Variants in AK9 observed in about 807,000 individuals in gnomAD.
The protein encoded by AK9 is adenylate kinase domain containing 1.
AK9 carries 191 observed loss-of-function variants against 239.6 expected under a neutral mutation model. The ratio of observed to expected loss-of-function variants is 0.80; its 90% confidence interval spans 0.71 to 0.90. AK9 has a LOEUF of 0.90. Among genes scored for constraint, AK9 ranks in the 40% least tolerant of loss-of-function variants. AK9 has a pLI of 0.00. For missense variants in AK9, 1,995 were observed against 2,214.7 expected, an observed-to-expected ratio of 0.90 and a Z score of 1.99; for synonymous variants, 689 against 721.0, an observed-to-expected ratio of 0.96 and a Z score of 0.71.
chr6:109,622,945 A>G (rs1399111518), intron 12 of AK9, among the ~76,000 whole-genome samples: 2 of 152,120 alleles, frequency 1.3e-5, no homozygotes, highest in Non-Finnish European at 2.9e-5. Context: ...TACTTCTCCC[A>G]TCCTAGGTAC....
At chr6:109,569,334 C>G (rs913690003) in intron 21 of AK9, among the ~76,000 whole-genome samples, 4 of 151,912 alleles carry the variant, frequency 2.6e-5, no homozygotes, top group Admixed American at 6.6e-5. Flanking sequence ...ACCCTAGAAA[C>G]AAACCTAGGC....
intron 21 of AK9, among the ~76,000 whole-genome samples, chr6:109,567,978 A>G (rs1452417182): frequency 6.6e-6 from 1 of 152,152 alleles, no homozygotes; most frequent in Non-Finnish European, 1.5e-5. Flanking sequence ...ACAACAAAAA[A>G]AGAGAATTTT....
intron 35 of AK9, among the ~76,000 whole-genome samples, chr6:109,504,336 C>T (rs1423790660): frequency 6.6e-6 from 1 of 151,918 alleles, no homozygotes. Context: ...TGCACCCCAG[C>T]CCGGGAAACA....
At chr6:109,641,700 G>GCATGGCACTGCCAAC in intron 9 of AK9, 84 bp from the exon 10 acceptor site, 2 of 1,219,254 alleles carry the variant, frequency 1.6e-6, no homozygotes, top group Non-Finnish European at 2.3e-6. Flanking sequence ...TATGAGCCAA[G>GCATGGCACTGCCAAC]ACCATGCTCC....
chr6:109,513,010 T>C (rs982264593), intron 32 of AK9, among the ~76,000 whole-genome samples: 1 of 152,094 alleles, frequency 6.6e-6, no homozygotes, highest in Non-Finnish European at 1.5e-5. Context: ...ACTACAGGCA[T>C]GTGCCACCAT....
chr6:109,640,779 G>A (rs9487180), intron 10 of AK9, among the ~76,000 whole-genome samples: 89,715 of 151,786 alleles, frequency 0.59, 27,968 homozygotes, highest in South Asian at 0.84. Context: ...AAATTCTCCA[G>A]TTAAAACTCC....
At chr6:109,640,915 C>G (rs1488660211) in intron 10 of AK9, among the ~76,000 whole-genome samples, 1 of 151,986 alleles carries the variant, frequency 6.6e-6, no homozygotes, top group Non-Finnish European at 1.5e-5. Context: ...GAGTTAAGAA[C>G]TTTTAGGTCT....
intron 17 of AK9, among the ~76,000 whole-genome samples, chr6:109,601,408 G>A (rs183516113): frequency 6.6e-6 from 1 of 152,290 alleles, no homozygotes; most frequent in Admixed American, 6.5e-5. Context: ...TCTTAGTCCT[G>A]AGTTCTAGTT....
intron 21 of AK9, among the ~76,000 whole-genome samples, chr6:109,566,790 C>A (rs1195202777): frequency 6.6e-6 from 1 of 152,118 alleles, no homozygotes; most frequent in Admixed American, 6.6e-5. Flanking sequence ...CAAAACCACT[C>A]AACTACATGG....
intron 17 of AK9, among the ~76,000 whole-genome samples, chr6:109,598,250 T>A (rs1458486199): frequency 3.8e-5 from 5 of 133,146 alleles, no homozygotes; most frequent in Non-Finnish European, 3.1e-5. Context: ...CAGTCCCCGG[T>A]GTGTGATGTT....
intron 17 of AK9, among the ~76,000 whole-genome samples, chr6:109,605,158 G>C (rs1186858542): frequency 6.6e-6 from 1 of 152,146 alleles, no homozygotes; most frequent in African/African-American, 2.4e-5. Flanking sequence ...GGGTGTGACA[G>C]CAGTTGGGCA....
intron 29 of AK9, among the ~76,000 whole-genome samples, chr6:109,525,409 T>C (rs1489818286): frequency 6.6e-6 from 1 of 152,114 alleles, no homozygotes; most frequent in Non-Finnish European, 1.5e-5. Flanking sequence ...TTGCAAACTA[T>C]GCGTACAACA....
chr6:109,502,506 C>A (rs975082013), intron 35 of AK9, among the ~76,000 whole-genome samples: 2 of 152,212 alleles, frequency 1.3e-5, no homozygotes, highest in Admixed American at 6.5e-5. Context: ...TCCCCTAGAA[C>A]CTTCAGGCAG....
At chr6:109,569,980 C>T (rs998293549) in intron 21 of AK9, among the ~76,000 whole-genome samples, 7 of 152,172 alleles carry the variant, frequency 4.6e-5, no homozygotes, top group African/African-American at 1.7e-4. Flanking sequence ...CACATGCACA[C>T]GTATGTTTAT....
At position 109,614,416 on chromosome 6, in the gene AK9, C is replaced by T. The variant is rs1257677925; in HGVS notation, c.1464G>A (p.Met488Ile). 1 of 1,551,128 alleles carries T rather than the reference C, an allele frequency of 6.4e-7. No individual in the cohort carries two copies. Among genetic ancestry groups the T allele is most frequent in the East Asian group, 2.4e-5 (1 of 40,910 alleles). Reference protein sequence around the residue: ...YEKMEFGVFPMEATHSSIDEE... With the variant: ...YEKMEFGVFPIEATHSSIDEE... ...CATCAATTGATGAGTGTGTTGCCTC[C>T]ATTGGGAATACTCCAAACTCCATTT... Residue 488 changes from methionine (M) to isoleucine (I), a missense_variant, in exon 14 of 41, where the codon ATG (methionine) becomes ATA (isoleucine). By Grantham distance (10) the Met-to-Ile change is conservative. Coordinates refer to ENST00000424296, the MANE Select transcript of AK9 (RefSeq NM_001145128.3).
At chr6:109,589,378 G>C (rs951659111) in intron 17 of AK9, among the ~76,000 whole-genome samples, 2 of 152,082 alleles carry the variant, frequency 1.3e-5, no homozygotes, top group African/African-American at 2.4e-5. Flanking sequence ...TTCTCAGCTT[G>C]ATTGTTATTG....
intron 38 of AK9, among the ~76,000 whole-genome samples, chr6:109,496,914 GACACAAACTGTGT>G (rs1312993136): frequency 6.6e-6 from 1 of 151,898 alleles, no homozygotes; most frequent in African/African-American, 2.4e-5. Context: ...TCACTATGAG[GACACAAACTGTGT>G]ACACAGCATG....
At chr6:109,610,310 AT>A in intron 17 of AK9, 54 bp downstream of exon 17, 3 of 1,511,250 alleles carry the variant, frequency 2.0e-6, no homozygotes. Flanking sequence ...TTAGATTAAC[AT>A]TTTCTCAGTA....
intron 29 of AK9, chr6:109,527,973 T>C (rs1780727162): frequency 6.6e-6 from 1 of 152,216 alleles, no homozygotes; most frequent in Admixed American, 6.5e-5. Context: ...CATTTTACAA[T>C]AAAAAGCCCT....
Sources: allele counts gnomAD v4.1 joint callset (sites outside exome capture counted in the v4.1 genomes callset), GRCh38; gene constraint gnomAD v4.1.1; transcripts MANE v1.5; gene names NCBI Gene and HGNC (gene_info 2026-07-23, HGNC 2026-07-21).